Variants in SCAMP1 observed in about 807,000 individuals in gnomAD.
SCAMP1 encodes the protein secretory carrier-associated membrane protein 1.
SCAMP1 carries 15 observed loss-of-function variants against 41.8 expected under a neutral mutation model. That is an observed-to-expected ratio of 0.36 (90% confidence interval 0.24 to 0.55). The LOEUF (loss-of-function observed/expected upper bound fraction) is 0.55, where lower values mean the gene tolerates loss of function less well. Ranked by LOEUF, SCAMP1 falls within the 20% of genes least tolerant of loss-of-function variation. The probability of loss-of-function intolerance (pLI) is 0.86; values close to 1 mark genes in which losing one functional copy is unlikely to be tolerated. For synonymous variants in SCAMP1, 135 were observed against 136.8 expected, an observed-to-expected ratio of 0.99 and a Z score of 0.09; for missense variants, 341 against 412.6, an observed-to-expected ratio of 0.83 and a Z score of 1.50.
At chr5:78,423,848 C>A (rs1752399936) in intron 6 of SCAMP1, among the ~76,000 whole-genome samples, 1 of 146,618 alleles carries the variant, frequency 6.8e-6, no homozygotes, top group African/African-American at 2.5e-5. Flanking sequence ...GAGAGGAATA[C>A]TTTTTTTTTT....
intron 6 of SCAMP1, among the ~76,000 whole-genome samples, chr5:78,431,229 T>C (rs73133720): frequency 0.028 from 4,296 of 151,962 alleles, 214 homozygotes; most frequent in African/African-American, 0.097. Context: ...CCTGCTCTTG[T>C]TGGGTAAAAT....
intron 1 of SCAMP1, among the ~76,000 whole-genome samples, chr5:78,381,595 T>G (rs1038006268): frequency 5.9e-5 from 9 of 152,250 alleles, no homozygotes; most frequent in South Asian, 2.1e-4. Context: ...ATAATCTTCT[T>G]GCTGCTTACA....
At position 78,461,517 on chromosome 5, in the gene SCAMP1, C is replaced by A. The variant is rs148572260; in HGVS notation, c.852+2155C>A. ...TGGCATTATTTCTGGGTTCTCTGTT[C>A]GATTGGTCTGTTTTTGTACTGGTTA... On this transcript the variant is annotated intron_variant, in intron 8 of 8. Transcript: ENST00000621999. Among the ~76,000 whole-genome samples the A allele has an allele frequency of 5.7e-3, 864 of 152,194 alleles. 7 individuals carry two copies. Among genetic ancestry groups the A allele is most frequent in the African/African-American group, 0.02 (825 of 41,534 alleles).
At position 78,360,715 on chromosome 5, in the gene SCAMP1, A is replaced by G. The variant is rs748872971; in HGVS notation, c.44A>G (p.Asn15Ser). 1.2e-6 allele frequency: 2 copies of G among 1,609,670 alleles called. No homozygotes were observed. Among genetic ancestry groups the G allele is most frequent in the South Asian group, 1.1e-5 (1 of 90,048 alleles). The change falls in exon 1 of 9, where the codon AAC becomes AGC. Residue 15 changes from asparagine to serine, a missense_variant. Asn to Ser is a conservative substitution (Grantham distance 46). Transcript: ENST00000621999. ...DSNPFADPDLNNPFKDPSVTQ... is the reference protein window; with the variant it reads ...DSNPFADPDLSNPFKDPSVTQ... ...AACCCGTTTGCCGACCCGGATCTCAACAATCCCTTCAAGGTGAGCTTCGGC... is the reference window on the plus strand; with the variant it reads ...AACCCGTTTGCCGACCCGGATCTCAGCAATCCCTTCAAGGTGAGCTTCGGC...
At chr5:78,413,421 CTT>C (rs10661289) in intron 2 of SCAMP1, among the ~76,000 whole-genome samples, 1 of 139,962 alleles carries the variant, frequency 7.1e-6, no homozygotes. Flanking sequence ...TAGTTCCTGC[CTT>C]TTTTTTTTTT....
intron 7 of SCAMP1, among the ~76,000 whole-genome samples, chr5:78,454,033 G>A (rs2112217384): frequency 6.6e-6 from 1 of 152,308 alleles, no homozygotes; most frequent in African/African-American, 2.4e-5. Context: ...CATTGATTTT[G>A]TATCCTGAGA....
At chr5:78,404,119 A>G (rs1375037103) in intron 2 of SCAMP1, among the ~76,000 whole-genome samples, 1 of 143,602 alleles carries the variant, frequency 7.0e-6, no homozygotes, top group African/African-American at 2.5e-5. Context: ...CTGTCTCAAA[A>G]AAAAAAAAAA....
chr5:78,377,996 C>T (rs994536306), intron 1 of SCAMP1, among the ~76,000 whole-genome samples: 7 of 152,104 alleles, frequency 4.6e-5, no homozygotes, highest in African/African-American at 1.7e-4. Context: ...TATGGGTGAC[C>T]ATTGTGATTA....
Position 78,377,965 on chromosome 5 carries a change from C to T in SCAMP1, c.58-10872C>T, listed in dbSNP as rs543978276. 3.5e-3 allele frequency among the ~76,000 whole-genome samples: 540 copies of T among 152,214 alleles called. 4 individuals carry two copies. The highest frequency in any genetic ancestry group is 0.012 in the African/African-American group (514 of 41,528). On this transcript the variant is annotated intron_variant, in intron 1 of 8. Transcript: ENST00000621999. ...ATTTGAATACAGGCAGCCAGCAATC[C>T]GTAGCATAACATTTCTGAACTATGG... is the stretch of plus-strand genomic sequence containing the variant.
intron 1 of SCAMP1, among the ~76,000 whole-genome samples, chr5:78,366,268 C>T (rs1750794225): frequency 6.6e-6 from 1 of 151,942 alleles, no homozygotes. Context: ...CTCAGCCTCC[C>T]GAGTAGCTGG....
intron 2 of SCAMP1, among the ~76,000 whole-genome samples, chr5:78,399,249 TG>T (rs1382552662): frequency 1.3e-5 from 2 of 152,254 alleles, no homozygotes; most frequent in African/African-American, 4.8e-5. Flanking sequence ...TACCAAATTT[TG>T]GCAGTGATGA....
intron 2 of SCAMP1, among the ~76,000 whole-genome samples, chr5:78,414,658 T>C (rs1362411568): frequency 6.6e-6 from 1 of 152,216 alleles, no homozygotes; most frequent in Non-Finnish European, 1.5e-5. Context: ...ATTGTATGTA[T>C]ATACAGTAAT....
chr5:78,450,369 AG>A (rs1345032245), intron 7 of SCAMP1, among the ~76,000 whole-genome samples: 2 of 152,212 alleles, frequency 1.3e-5, no homozygotes, highest in East Asian at 3.8e-4. Flanking sequence ...AAAGAGCTTC[AG>A]GGATTCTAAG....
intron 1 of SCAMP1, among the ~76,000 whole-genome samples, chr5:78,364,182 A>G (rs1399021827): frequency 6.6e-6 from 1 of 152,232 alleles, no homozygotes; most frequent in Admixed American, 6.5e-5. Flanking sequence ...TGGAAAATGA[A>G]TGAAAGGGGA....
intron 6 of SCAMP1, among the ~76,000 whole-genome samples, chr5:78,444,670 C>G (rs914634066): frequency 1.3e-5 from 2 of 152,124 alleles, no homozygotes; most frequent in Admixed American, 6.5e-5. Context: ...CAACCATGTT[C>G]CAGAAATTTT....
intron 1 of SCAMP1, among the ~76,000 whole-genome samples, chr5:78,371,094 C>CT (rs1197551514): frequency 9.2e-5 from 14 of 152,060 alleles, no homozygotes; most frequent in South Asian, 2.1e-4. Flanking sequence ...TGATTTGTGA[C>CT]TTTTTTTCCC....
At chr5:78,459,429 G>A in intron 8 of SCAMP1, 67 bp downstream of exon 8, 1 of 819,188 alleles carries the variant, frequency 1.2e-6, no homozygotes, top group Non-Finnish European at 2.0e-6. Context: ...TTCCTATTTT[G>A]CTATAATTTG....
In SCAMP1 at chr5:78,440,948, C is replaced by T. The variant is rs575549680; in HGVS notation, c.633-8985C>T. Among the ~76,000 whole-genome samples, 267 of 152,280 alleles carry T rather than the reference C, an allele frequency of 1.8e-3. 4 individuals carry two copies. Among genetic ancestry groups the T allele is most frequent in the African/African-American group, 5.2e-3 (218 of 41,558 alleles). On this transcript the variant is annotated intron_variant, in intron 6 of 8. Coordinates refer to ENST00000621999, the MANE Select transcript of SCAMP1 (RefSeq NM_004866.6). The stretch of plus-strand genomic sequence containing the variant: ...CCAGCCTTGCTGCCACCTTGCAGTT[C>T]GATCTCAGACTGCTGTGCTAGTAGT...
At chr5:78,413,216 G>GT (rs1752124937) in intron 2 of SCAMP1, among the ~76,000 whole-genome samples, 1 of 151,878 alleles carries the variant, frequency 6.6e-6, no homozygotes. Context: ...TTTCTTCACT[G>GT]TTTTGTAGTG....
Sources: allele counts gnomAD v4.1 joint callset (sites outside exome capture counted in the v4.1 genomes callset), GRCh38; gene constraint gnomAD v4.1.1; transcripts MANE v1.5; gene names NCBI Gene and HGNC (gene_info 2026-07-23, HGNC 2026-07-21).